WDR64: variants seen among roughly 807,000 people sequenced by gnomAD.
WDR64 encodes WD repeat domain 64.
Under a neutral mutation model 139.3 loss-of-function variants are expected in WDR64, and 112 were observed. The observed-to-expected ratio is 0.80, with a 90% confidence interval of 0.69 to 0.94. The LOEUF (loss-of-function observed/expected upper bound fraction) is 0.94. Among genes scored for constraint, WDR64 ranks in the 40% least tolerant of loss-of-function variants. The pLI is 0.00. For synonymous variants in WDR64, 444 were observed against 437.7 expected (o/e 1.01, Z -0.18); for missense variants, 1,206 against 1,293.1 (o/e 0.93, Z 1.03).
intron 20 of WDR64, among the ~76,000 whole-genome samples, chr1:241,774,308 T>G (rs149125929): frequency 6.6e-6 from 1 of 152,346 alleles, no homozygotes; most frequent in African/African-American, 2.4e-5. Flanking sequence ...AAAACAACCC[T>G]GGTTTGAAAA....
intron 16 of WDR64, among the ~76,000 whole-genome samples, chr1:241,766,594 G>A (rs1021038913): frequency 7.2e-5 from 11 of 152,116 alleles, no homozygotes; most frequent in African/African-American, 1.7e-4. Context: ...CTATCTAATG[G>A]AGAGGGTGAG....
At position 241,787,164 on chromosome 1, in the gene WDR64, C is replaced by T. The variant is rs1659064456; in HGVS notation, c.2706-685C>T. 2.7e-5 allele frequency among the ~76,000 whole-genome samples: 4 copies of T among 148,504 alleles called. No individual in the cohort carries two copies. In the Admixed American group the frequency reaches 2.7e-4, roughly 10 times the overall value. The stretch of plus-strand genomic sequence containing the variant: ...GGTCAGGAGATTGAGACCATCCTGG[C>T]TAACACGGTGAAACCCCATCTCTAC... On this transcript the variant is annotated intron_variant, in intron 23 of 27. Transcript: ENST00000437684.
Position 241,714,971 on chromosome 1 carries a change from T to C in WDR64, c.1054+3090T>C, listed in dbSNP as rs74150372. Among the ~76,000 whole-genome samples the C allele has an allele frequency of 7.5e-3, 1,147 of 152,316 alleles. 14 individuals are homozygous for C. The highest frequency in any genetic ancestry group is 0.026 in the African/African-American group (1,067 of 41,566). ...CAGGGAGATAAACTAAAAATGTCCT[T>C]TGGAAAATTTGGAACCCAGTTTGCC... On this transcript the variant is annotated intron_variant, in intron 9 of 27. Coordinates refer to ENST00000437684, the MANE Select transcript of WDR64 (RefSeq NM_001367482.1).
intron 4 of WDR64, among the ~76,000 whole-genome samples, chr1:241,675,104 CCTT>C (rs1419753977): frequency 8.3e-6 from 1 of 121,190 alleles, no homozygotes; most frequent in African/African-American, 3.6e-5. Context: ...CTCCCTCCCT[CCTT>C]CCTTCCTCCC....
intron 16 of WDR64, among the ~76,000 whole-genome samples, chr1:241,768,643 C>G (rs1485186668): frequency 6.6e-6 from 1 of 152,208 alleles, no homozygotes; most frequent in Non-Finnish European, 1.5e-5. Flanking sequence ...CCCTTCATCT[C>G]TTGCAGAAGT....
chr1:241,688,836 TGA>T (rs1200558166), intron 8 of WDR64, among the ~76,000 whole-genome samples: 1 of 152,198 alleles, frequency 6.6e-6, no homozygotes, highest in Non-Finnish European at 1.5e-5. Flanking sequence ...TATGCTTTTG[TGA>T]GTTTTACTTC....
chr1:241,784,953 GAAAA>G (rs58720618), intron 23 of WDR64, among the ~76,000 whole-genome samples: 847 of 62,244 alleles, frequency 0.014, 29 homozygotes, highest in East Asian at 0.11. Context: ...GACTCTGTCT[GAAAA>G]AAAAAAAAAA....
intron 15 of WDR64, among the ~76,000 whole-genome samples, chr1:241,761,135 T>A (rs1423412410): frequency 6.6e-6 from 1 of 152,174 alleles, no homozygotes; most frequent in African/African-American, 2.4e-5. Flanking sequence ...TAGTCAAAAC[T>A]TTTGAACTTT....
chr1:241,675,310 C>G, intron 4 of WDR64, among the ~76,000 whole-genome samples: 1 of 145,002 alleles, frequency 6.9e-6, no homozygotes, highest in Non-Finnish European at 1.5e-5. Context: ...CTTCTTCCCT[C>G]CTCCCTTCCT....
chr1:241,705,801 C>A (rs1483346931), intron 8 of WDR64, among the ~76,000 whole-genome samples: 1 of 151,900 alleles, frequency 6.6e-6, no homozygotes, highest in African/African-American at 2.4e-5. Flanking sequence ...GTTGCCCAGA[C>A]TGGTCTCAGA....
At chr1:241,683,416 C>T in intron 6 of WDR64, 71 bp from the exon 7 acceptor site, 1 of 1,443,402 alleles carries the variant, frequency 6.9e-7, no homozygotes, top group African/African-American at 1.4e-5. Context: ...AAATTTTTGT[C>T]AAATAATAGG....
Position 241,769,473 on chromosome 1 carries a change from A to G in WDR64, c.2151A>G (p.Ile717Met). Residue 717 changes from isoleucine to methionine, a missense_variant, in exon 17 of 28, where the codon ATA becomes ATG. By Grantham distance (10) the Ile-to-Met change is conservative (BLOSUM62 1). Coordinates refer to ENST00000437684, the MANE Select transcript of WDR64 (RefSeq NM_001367482.1). ...CCAAGCACTTTAAAATTAATGACAT[A>G]CTGTTCCTCTTTCGTACCCCTGAAT... Reference protein sequence around the residue: ...LHPKHFKINDILFLFRTPECA... With the variant: ...LHPKHFKINDMLFLFRTPECA... 3.2e-6 allele frequency: 5 copies of G among 1,551,538 alleles called. No homozygotes were observed. The highest frequency in any genetic ancestry group is 4.4e-6 in the Non-Finnish European group (5 of 1,146,976).
Position 241,744,483 on chromosome 1 carries a change from A to C in WDR64, c.1561A>C (p.Ser521Arg), listed in dbSNP as rs1398048975. Residue 521 changes from serine to arginine, a missense_variant, in exon 13 of 28, where the codon AGT becomes CGT. Physicochemically the swap from Ser to Arg is moderately radical, Grantham distance 110. Transcript: ENST00000437684. ...AGTGACTTCTGCAGCTGTCGATGAA[A>C]GTGGATTTCTTTTTGCCACAGGAGC... is the stretch of plus-strand genomic sequence containing the variant. ...TEVTSAAVDE[S>R]GFLFATGAYN... 4 of 1,614,050 alleles carry C rather than the reference A, an allele frequency of 2.5e-6. No individual in the cohort carries two copies. Among genetic ancestry groups the C allele is most frequent in the Non-Finnish European group, 3.4e-6 (4 of 1,180,022 alleles).
rs559073506 is a variant in WDR64 at position 241,739,162 on chromosome 1, A to T, written c.1321+673A>T. 3.3e-5 allele frequency among the ~76,000 whole-genome samples: 5 copies of T among 152,280 alleles called. No individual in the cohort carries two copies. In the South Asian group the frequency reaches 1.0e-3, roughly 32 times the overall value. Reference sequence around the variant, plus strand: ...GCTGATGCCAACAGATTTGTTGCTGATTTTTCTTGTGGCCTCTTAGAAAGA... The same window carrying T: ...GCTGATGCCAACAGATTTGTTGCTGTTTTTTCTTGTGGCCTCTTAGAAAGA... On this transcript the variant is annotated intron_variant, in intron 11 of 27. Coordinates refer to ENST00000437684, the MANE Select transcript of WDR64 (RefSeq NM_001367482.1).
intron 14 of WDR64, among the ~76,000 whole-genome samples, chr1:241,753,742 G>A (rs568399798): frequency 6.6e-6 from 1 of 152,046 alleles, no homozygotes. Context: ...AGTACAGGTG[G>A]AATAAATGAT....
At chr1:241,744,053 T>G (rs1283125060) in intron 12 of WDR64, among the ~76,000 whole-genome samples, 1 of 152,196 alleles carries the variant, frequency 6.6e-6, no homozygotes, top group East Asian at 1.9e-4. Flanking sequence ...ATAAATCCAG[T>G]TCATATTTCT....
intron 8 of WDR64, among the ~76,000 whole-genome samples, chr1:241,700,357 T>C (rs574262995): frequency 4.3e-4 from 66 of 151,882 alleles, no homozygotes; most frequent in Non-Finnish European, 3.4e-4. Context: ...TCTAAAGTAG[T>C]ATTGTCATAT....
intron 23 of WDR64, among the ~76,000 whole-genome samples, chr1:241,784,953 GAAA>G (rs58720618): frequency 0.014 from 879 of 62,260 alleles, 78 homozygotes; most frequent in Non-Finnish European, 0.021. Flanking sequence ...GACTCTGTCT[GAAA>G]AAAAAAAAAA....
rs551639436 is a variant in WDR64, at chr1:241,697,286, A to G, written c.974+9691A>G. 2.6e-5 allele frequency among the ~76,000 whole-genome samples: 4 copies of G among 152,286 alleles called. No individual in the cohort carries two copies. The South Asian group carries it at 8.3e-4, about 32-fold the overall frequency. ...TGAAAAACCTGGAGCCTCAAGGGGA[A>G]TTCTTCAACACATCATACCTTTCAA... On this transcript the variant is annotated intron_variant, in intron 8 of 27. Coordinates refer to ENST00000437684, the MANE Select transcript of WDR64 (RefSeq NM_001367482.1).
Sources: gnomAD v4.1 joint callset for allele counts (sites outside exome capture counted in the v4.1 genomes callset) on GRCh38, gnomAD v4.1.1 for gene constraint, MANE v1.5 for transcripts, NCBI Gene and HGNC (gene_info 2026-07-23, HGNC 2026-07-21) for gene names.